Variants in C7orf78 observed in about 807,000 individuals in gnomAD.
The protein encoded by C7orf78 is putative uncharacterized protein C7orf78.
chr7:12,523,619 G>T, the C7orf78 span, among the ~76,000 whole-genome samples: 1 of 152,080 alleles, frequency 6.6e-6, no homozygotes, highest in Middle Eastern at 3.2e-3. Context: ...AGAACAGAGA[G>T]GTAAGAACCT....
the C7orf78 span, among the ~76,000 whole-genome samples, chr7:12,492,635 C>A: frequency 6.6e-6 from 1 of 152,110 alleles, no homozygotes; most frequent in African/African-American, 2.4e-5. Flanking sequence ...AAACTCACTC[C>A]CAGAAAGAAT....
the C7orf78 span, among the ~76,000 whole-genome samples, chr7:12,492,666 C>A: frequency 1.3e-5 from 2 of 152,190 alleles, no homozygotes. Context: ...TTGCTGACAG[C>A]CAAATCCCAG....
chr7:12,521,422 A>C, the C7orf78 span, among the ~76,000 whole-genome samples: 1 of 151,480 alleles, frequency 6.6e-6, no homozygotes, highest in Non-Finnish European at 1.5e-5. Context: ...TGGGGCTTAC[A>C]TTTTATTGAA....
At chr7:12,516,581 T>G in the C7orf78 span, among the ~76,000 whole-genome samples, 3 of 152,106 alleles carry the variant, frequency 2.0e-5, no homozygotes, top group African/African-American at 7.2e-5. Flanking sequence ...ACCATGTGCC[T>G]GGAAAAGCCA....
the C7orf78 span, among the ~76,000 whole-genome samples, chr7:12,531,752 G>A: frequency 6.6e-6 from 1 of 152,126 alleles, no homozygotes; most frequent in Non-Finnish European, 1.5e-5. Context: ...ATTAACCATG[G>A]TTCGTTGTCT....
the C7orf78 span, among the ~76,000 whole-genome samples, chr7:12,497,687 A>G: frequency 9.2e-5 from 14 of 152,126 alleles, no homozygotes; most frequent in Admixed American, 9.2e-4. Context: ...AGGCTTGATT[A>G]GGTAAACAAA....
chr7:12,527,832 T>C, the C7orf78 span, among the ~76,000 whole-genome samples: 16 of 149,916 alleles, frequency 1.1e-4, no homozygotes, highest in African/African-American at 4.0e-4. Flanking sequence ...ATGCTATGTG[T>C]CACTCACTTT....
At chr7:12,528,795 G>A in the C7orf78 span, 33 of 395,802 alleles carry the variant, frequency 8.3e-5, no homozygotes, top group African/African-American at 5.1e-4. Context: ...ATTATCCAGC[G>A]ACTTACCACT....
chr7:12,512,169 A>G, the C7orf78 span, among the ~76,000 whole-genome samples: 2 of 151,668 alleles, frequency 1.3e-5, no homozygotes, highest in African/African-American at 4.8e-5. Context: ...CACTTTTCCA[A>G]CTTAGATGTG....
At chr7:12,483,924 A>T in the C7orf78 span, 1 of 151,494 alleles carries the variant, frequency 6.6e-6, no homozygotes, top group Admixed American at 6.6e-5. Context: ...TGAGAGGACC[A>T]GAAATGGCAG....
At chr7:12,533,743 C>G in the C7orf78 span, among the ~76,000 whole-genome samples, 1 of 152,044 alleles carries the variant, frequency 6.6e-6, no homozygotes, top group African/African-American at 2.4e-5. Flanking sequence ...GTCTCGATCT[C>G]CTGACCTCGT....
the C7orf78 span, among the ~76,000 whole-genome samples, chr7:12,500,977 A>T: frequency 0.017 from 2,601 of 151,518 alleles, 80 homozygotes; most frequent in African/African-American, 0.06. Context: ...CAAAGACAAA[A>T]ACCACATGGT....
the C7orf78 span, among the ~76,000 whole-genome samples, chr7:12,489,034 A>T: frequency 1.3e-5 from 2 of 151,884 alleles, no homozygotes; most frequent in African/African-American, 4.8e-5. Flanking sequence ...GAATACCCAA[A>T]TGCTGGCTAT....
At chr7:12,536,043 C>A in the C7orf78 span, among the ~76,000 whole-genome samples, 9 of 152,166 alleles carry the variant, frequency 5.9e-5, no homozygotes, top group African/African-American at 2.2e-4. Context: ...AGTGAATCTA[C>A]CATTCTGGGG....
the C7orf78 span, among the ~76,000 whole-genome samples, chr7:12,496,864 G>C: frequency 6.6e-6 from 1 of 152,296 alleles, no homozygotes; most frequent in East Asian, 1.9e-4. Context: ...AAGAGATTTA[G>C]TCAATTCAAC....
At chr7:12,497,961 C>T in the C7orf78 span, among the ~76,000 whole-genome samples, 2 of 151,938 alleles carry the variant, frequency 1.3e-5, no homozygotes, top group East Asian at 1.9e-4. Flanking sequence ...GAGGCACCCT[C>T]CAGCAGGGGC....
At chr7:12,484,862 TA>T in the C7orf78 span, among the ~76,000 whole-genome samples, 67 of 149,764 alleles carry the variant, frequency 4.5e-4, 2 homozygotes, top group East Asian at 0.012. Context: ...ATTTTTTTTT[TA>T]ATTTAAATGC....
the C7orf78 span, among the ~76,000 whole-genome samples, chr7:12,501,644 T>C: frequency 7.3e-6 from 1 of 136,290 alleles, no homozygotes; most frequent in African/African-American, 2.6e-5. Context: ...ATCGTGAAAA[T>C]GGCCATACTG....
the C7orf78 span, among the ~76,000 whole-genome samples, chr7:12,495,929 A>ATT: frequency 6.8e-6 from 1 of 146,780 alleles, no homozygotes; most frequent in Non-Finnish European, 1.5e-5. Flanking sequence ...CTCAAAAAAA[A>ATT]TTTTTTTTTT....
Sources: gnomAD v4.1 joint callset for allele counts (sites outside exome capture counted in the v4.1 genomes callset) on GRCh38, gnomAD v4.1.1 for gene constraint, MANE v1.5 for transcripts, NCBI Gene and HGNC (gene_info 2026-07-23, HGNC 2026-07-21) for gene names.